The following TBC1D30 variants were observed in gnomAD, a reference collection of about 807,000 sequenced individuals.
The protein encoded by TBC1D30 is TBC1 domain family member 30, also known as TBC1 domain family, member 30.
A neutral mutation model predicts 63.2 loss-of-function variants in TBC1D30; 31 were observed. That is an observed-to-expected ratio of 0.49 (90% CI 0.37 to 0.66). The LOEUF (loss-of-function observed/expected upper bound fraction) is 0.66, where lower values mean the gene tolerates loss of function less well. TBC1D30 is among the 30% of genes least tolerant of loss of function. TBC1D30 has a pLI of 0.00. For synonymous variants in TBC1D30, 307 were observed against 361.5 expected, an observed-to-expected ratio of 0.85 and a Z score of 1.71; for missense variants, 810 against 953.6, an observed-to-expected ratio of 0.85 and a Z score of 1.98.
chr12:64,866,710 A>G (rs1565687837), intron 9 of TBC1D30, 54 bp from the exon 10 acceptor site: 4 of 1,501,430 alleles, frequency 2.7e-6, no homozygotes, highest in Non-Finnish European at 2.7e-6. Context: ...ATTATGTTTT[A>G]AAATACCATG....
chr12:64,832,001 T>A, intron 4 of TBC1D30, 118 bp from the exon 5 acceptor site: 1 of 1,054,116 alleles, frequency 9.5e-7, no homozygotes, highest in South Asian at 2.5e-5. Flanking sequence ...AACATACACA[T>A]TTTAAAAAAA....
At chr12:64,862,674 G>A (rs1056503278) in intron 8 of TBC1D30, among the ~76,000 whole-genome samples, 1 of 152,110 alleles carries the variant, frequency 6.6e-6, no homozygotes, top group Non-Finnish European at 1.5e-5. Flanking sequence ...CCTACTTATT[G>A]TCTTTAATAA....
intron 2 of TBC1D30, among the ~76,000 whole-genome samples, chr12:64,808,594 T>C (rs966935113): frequency 3.9e-5 from 6 of 152,210 alleles, no homozygotes; most frequent in African/African-American, 1.4e-4. Flanking sequence ...GTAAAATATA[T>C]ATAACAGAAA....
At position 64,875,903 on chromosome 12, in the gene TBC1D30, G is replaced by A; in HGVS notation, c.*115G>A. The A allele has an allele frequency of 4.6e-6, 5 of 1,083,906 alleles. No individual in the cohort carries two copies. Among genetic ancestry groups the A allele is most frequent in the Non-Finnish European group, 6.3e-6 (5 of 791,194 alleles). 67.1% of individuals were successfully genotyped at this position (1,083,906 alleles called of 1,614,324 possible). ...AGTGAAAATGAATAGGTTCAGGGAT[G>A]AGCAACAGCCCATAAAAAATGGGAA... is the stretch of plus-strand genomic sequence containing the variant. On this transcript the variant is annotated 3_prime_UTR_variant, in exon 12 of 12. Coordinates refer to ENST00000539867, the MANE Select transcript of TBC1D30 (RefSeq NM_015279.2).
At chr12:64,816,717 T>C (rs1003756700) in intron 2 of TBC1D30, among the ~76,000 whole-genome samples, 1 of 152,234 alleles carries the variant, frequency 6.6e-6, no homozygotes, top group Non-Finnish European at 1.5e-5. Flanking sequence ...GGATGTTATA[T>C]TATAGTCACA....
intron 1 of TBC1D30, among the ~76,000 whole-genome samples, chr12:64,767,773 A>C (rs1404286805): frequency 9.9e-6 from 1 of 101,390 alleles, no homozygotes; most frequent in Non-Finnish European, 1.9e-5. Flanking sequence ...CCTTGATAAG[A>C]TACACATGCT....
chr12:64,774,811 G>A (rs1363383527), intron 1 of TBC1D30, among the ~76,000 whole-genome samples: 2 of 152,102 alleles, frequency 1.3e-5, no homozygotes, highest in African/African-American at 4.8e-5. Flanking sequence ...ATGGAAAGAA[G>A]GCCGGGCATG....
At chr12:64,858,659 C>CT (rs1877516138) in intron 8 of TBC1D30, among the ~76,000 whole-genome samples, 1 of 152,206 alleles carries the variant, frequency 6.6e-6, no homozygotes, top group Admixed American at 6.5e-5. Flanking sequence ...TACACTAAGT[C>CT]CTTCAGCACT....
At chr12:64,790,291 A>G (rs1442552031) in intron 2 of TBC1D30, among the ~76,000 whole-genome samples, 1 of 152,222 alleles carries the variant, frequency 6.6e-6, no homozygotes, top group Non-Finnish European at 1.5e-5. Context: ...AGTGTGCAGG[A>G]AAATACACCT....
chr12:64,856,154 G>C (rs1224366826), intron 8 of TBC1D30, among the ~76,000 whole-genome samples: 1 of 151,032 alleles, frequency 6.6e-6, no homozygotes, highest in Non-Finnish European at 1.5e-5. Flanking sequence ...AGGAGGAAGA[G>C]AGAGTTAGAT....
intron 2 of TBC1D30, among the ~76,000 whole-genome samples, chr12:64,817,058 TC>T (rs1873584585): frequency 6.6e-6 from 1 of 152,170 alleles, no homozygotes; most frequent in South Asian, 2.1e-4. Flanking sequence ...TCTAACTTAG[TC>T]CTTTGGAGCA....
chr12:64,808,742 C>T (rs547292551), intron 2 of TBC1D30, among the ~76,000 whole-genome samples: 1 of 152,226 alleles, frequency 6.6e-6, no homozygotes, highest in East Asian at 1.9e-4. Flanking sequence ...TCCCCATTCC[C>T]TCCCTCCCCA....
At chr12:64,853,398 C>T (rs1592640265) in intron 8 of TBC1D30, among the ~76,000 whole-genome samples, 1 of 152,202 alleles carries the variant, frequency 6.6e-6, no homozygotes, top group East Asian at 1.9e-4. Context: ...GCAAGAATTT[C>T]AAGCCAGTGG....
At chr12:64,761,971 G>A (rs1056209759) in intron 1 of TBC1D30, among the ~76,000 whole-genome samples, 2 of 152,212 alleles carry the variant, frequency 1.3e-5, no homozygotes, top group Admixed American at 6.5e-5. Context: ...ATGGCAGAGA[G>A]ATGGACAATC....
At chr12:64,858,054 C>T (rs558764590) in intron 8 of TBC1D30, among the ~76,000 whole-genome samples, 13 of 152,286 alleles carry the variant, frequency 8.5e-5, no homozygotes, top group African/African-American at 3.1e-4. Flanking sequence ...GAGTTCAAAT[C>T]AGATATTGTG....
At chr12:64,802,958 C>T (rs559173986) in intron 2 of TBC1D30, among the ~76,000 whole-genome samples, 1 of 152,256 alleles carries the variant, frequency 6.6e-6, no homozygotes, top group South Asian at 2.1e-4. Flanking sequence ...AATAAACATA[C>T]GTGTGCATGT....
At position 64,877,548 on chromosome 12, in the gene TBC1D30, T is replaced by C. The variant is rs532274587; in HGVS notation, c.*1760T>C. The C allele has an allele frequency of 2.0e-5, 3 of 152,316 alleles. No individual in the cohort carries two copies. Among genetic ancestry groups the C allele is most frequent in the Non-Finnish European group, 4.4e-5 (3 of 68,050 alleles). 9.4% of individuals were successfully genotyped at this position (152,316 alleles called of 1,614,324 possible). A position where few individuals can be genotyped will look rare whatever the true frequency, so the allele number is the denominator to read the frequency against. ...AACTGAAGATGGAAAATATGACTAA[T>C]AAGTTATTGCAGTTTTGGTCTTGAA... On this transcript the variant is annotated 3_prime_UTR_variant, in exon 12 of 12. Coordinates refer to ENST00000539867, the MANE Select transcript of TBC1D30 (RefSeq NM_015279.2).
At chr12:64,766,693 A>T (rs1164409886) in intron 1 of TBC1D30, among the ~76,000 whole-genome samples, 1 of 152,176 alleles carries the variant, frequency 6.6e-6, no homozygotes, top group African/African-American at 2.4e-5. Flanking sequence ...TAAAATAGGT[A>T]GACCTAACAG....
At chr12:64,782,114 C>T (rs1871328480) in intron 1 of TBC1D30, among the ~76,000 whole-genome samples, 1 of 151,570 alleles carries the variant, frequency 6.6e-6, no homozygotes, top group South Asian at 2.1e-4. Flanking sequence ...GCCTTTCAGG[C>T]AGTAACACAG....
Sources: gnomAD v4.1 joint callset for allele counts (sites outside exome capture counted in the v4.1 genomes callset) on GRCh38, gnomAD v4.1.1 for gene constraint, MANE v1.5 for transcripts, NCBI Gene and HGNC (gene_info 2026-07-23, HGNC 2026-07-21) for gene names.